ACTR3C: variants seen among roughly 807,000 people sequenced by gnomAD.
ACTR3C encodes actin-related protein 3C.
Under a neutral mutation model 26.3 loss-of-function variants are expected in ACTR3C, and 18 were observed. That is an observed-to-expected ratio of 0.68 (90% CI 0.47 to 1.01). The LOEUF (loss-of-function observed/expected upper bound fraction) is 1.01, where lower values mean the gene tolerates loss of function less well. ACTR3C is among the 50% of genes least tolerant of loss of function. The probability of loss-of-function intolerance (pLI) is 0.00; values close to 1 mark genes in which losing one functional copy is unlikely to be tolerated. For synonymous variants in ACTR3C, 55 were observed against 94.5 expected (o/e 0.58, Z 2.42); for missense variants, 184 against 250.7 (o/e 0.73, Z 1.80).
the ACTR3C span, among the ~76,000 whole-genome samples, chr7:149,993,807 G>A: frequency 6.6e-6 from 1 of 152,228 alleles, no homozygotes; most frequent in Non-Finnish European, 1.5e-5. Flanking sequence ...CACGGGGCTG[G>A]CCTCTGTGAT....
the ACTR3C span, among the ~76,000 whole-genome samples, chr7:149,961,427 A>T: frequency 6.6e-6 from 1 of 152,130 alleles, no homozygotes; most frequent in Non-Finnish European, 1.5e-5. Flanking sequence ...GCTCACAGGA[A>T]GTACACAGAT....
chr7:150,226,986 C>A, the ACTR3C span, among the ~76,000 whole-genome samples: 2 of 147,782 alleles, frequency 1.4e-5, no homozygotes, highest in African/African-American at 2.6e-5. Context: ...TCTTTCAATT[C>A]TTCCCCTTGC....
the ACTR3C span, among the ~76,000 whole-genome samples, chr7:150,188,509 T>G: frequency 6.6e-6 from 1 of 151,618 alleles, no homozygotes; most frequent in Non-Finnish European, 1.5e-5. Flanking sequence ...TAAAGGAATG[T>G]CTAACTTTAC....
the ACTR3C span, among the ~76,000 whole-genome samples, chr7:149,986,250 G>A: frequency 3.9e-5 from 6 of 152,106 alleles, no homozygotes; most frequent in Admixed American, 1.3e-4. Context: ...CATTGCCAAA[G>A]CCTCCATCCC....
At chr7:150,097,980 T>C in the ACTR3C span, among the ~76,000 whole-genome samples, 2 of 151,512 alleles carry the variant, frequency 1.3e-5, no homozygotes, top group Non-Finnish European at 2.9e-5. Flanking sequence ...ATAGACGTCA[T>C]GGACTGACCT....
the ACTR3C span, among the ~76,000 whole-genome samples, chr7:149,911,445 T>A: frequency 6.6e-6 from 1 of 152,074 alleles, no homozygotes; most frequent in Non-Finnish European, 1.5e-5. Flanking sequence ...CCCGGCACAG[T>A]GACTGGCACA....
chr7:150,092,943 G>A, the ACTR3C span, among the ~76,000 whole-genome samples: 1 of 151,544 alleles, frequency 6.6e-6, no homozygotes, highest in African/African-American at 2.5e-5. Context: ...GCAGAACCCA[G>A]AGATGCAAAA....
the ACTR3C span, among the ~76,000 whole-genome samples, chr7:149,961,168 C>A: frequency 1.3e-5 from 2 of 151,468 alleles, no homozygotes; most frequent in African/African-American, 4.9e-5. Flanking sequence ...AATAAGTGCA[C>A]AGAGAGAAAG....
the ACTR3C span, among the ~76,000 whole-genome samples, chr7:150,093,705 C>G: frequency 2.0e-5 from 3 of 150,608 alleles, no homozygotes; most frequent in Non-Finnish European, 2.9e-5. Context: ...ATCTTCTCAG[C>G]GGAGCAGCTG....
At chr7:149,965,452 C>T in the ACTR3C span, among the ~76,000 whole-genome samples, 818 of 142,892 alleles carry the variant, frequency 5.7e-3, 13 homozygotes, top group African/African-American at 0.02. Flanking sequence ...AAGGGGATGA[C>T]CTAGTTCCAC....
At chr7:149,906,024 A>G in the ACTR3C span, among the ~76,000 whole-genome samples, 1 of 152,210 alleles carries the variant, frequency 6.6e-6, no homozygotes, top group Non-Finnish European at 1.5e-5. Flanking sequence ...AAAATGCCCA[A>G]AAGGAAAAAA....
chr7:150,276,292 T>A (rs1163248367), intron 6 of ACTR3C, among the ~76,000 whole-genome samples: 2 of 152,162 alleles, frequency 1.3e-5, no homozygotes, highest in Non-Finnish European at 2.9e-5. Flanking sequence ...GTGCCACCTA[T>A]CAGCCATCCT....
the ACTR3C span, among the ~76,000 whole-genome samples, chr7:150,079,601 C>T: frequency 6.6e-6 from 1 of 152,154 alleles, no homozygotes; most frequent in Non-Finnish European, 1.5e-5. Flanking sequence ...TATTCCCTGG[C>T]AGCTCTCTTC....
chr7:150,042,365 G>A, the ACTR3C span, among the ~76,000 whole-genome samples: 7 of 131,370 alleles, frequency 5.3e-5, no homozygotes, highest in Non-Finnish European at 1.2e-4. Flanking sequence ...CCCCAGCGAT[G>A]GGGGTCCTAA....
intron 6 of ACTR3C, among the ~76,000 whole-genome samples, chr7:150,278,866 T>C (rs1409190332): frequency 6.6e-6 from 1 of 152,214 alleles, no homozygotes; most frequent in Non-Finnish European, 1.5e-5. Flanking sequence ...GCTACCTTTT[T>C]ATCTGTTCAC....
the ACTR3C span, among the ~76,000 whole-genome samples, chr7:149,914,435 T>C: frequency 1.3e-4 from 19 of 151,326 alleles, no homozygotes; most frequent in African/African-American, 4.6e-4. Context: ...TATACTAAAA[T>C]ACAAAAAATT....
chr7:150,232,015 CAT>C, the ACTR3C span, among the ~76,000 whole-genome samples: 1 of 152,086 alleles, frequency 6.6e-6, no homozygotes, highest in Non-Finnish European at 1.5e-5. Context: ...CCTTTAGTTC[CAT>C]CAGCTTTTGC....
the ACTR3C span, among the ~76,000 whole-genome samples, chr7:150,176,753 C>T: frequency 1.9e-4 from 28 of 150,720 alleles, no homozygotes; most frequent in South Asian, 1.2e-3. Context: ...AGACTTAAAG[C>T]CAAATACAAT....
the ACTR3C span, among the ~76,000 whole-genome samples, chr7:149,961,234 G>C: frequency 1.3e-5 from 2 of 151,386 alleles, no homozygotes; most frequent in Non-Finnish European, 2.9e-5. Flanking sequence ...ATTGCACAGA[G>C]GAAGGGGGGC....
Sources: allele counts gnomAD v4.1 joint callset (sites outside exome capture counted in the v4.1 genomes callset), GRCh38; gene constraint gnomAD v4.1.1; transcripts MANE v1.5; gene names NCBI Gene and HGNC (gene_info 2026-07-23, HGNC 2026-07-21).